Variants in IQCJ observed in about 807,000 individuals in gnomAD.
IQCJ encodes the protein IQ domain-containing protein J.
A neutral mutation model predicts 11.0 loss-of-function variants in IQCJ; 9 were observed. The observed-to-expected ratio is 0.82, with a 90% CI of 0.49 to 1.43. The LOEUF (loss-of-function observed/expected upper bound fraction) is 1.43. Among genes scored for constraint, IQCJ ranks in the 40% most tolerant of loss-of-function variants. The pLI, the probability that IQCJ is intolerant of heterozygous loss-of-function variation, is 0.00. For missense variants in IQCJ, 146 were observed against 133.2 expected (o/e 1.10, Z -0.47); for synonymous variants, 55 against 51.3 (o/e 1.07, Z -0.31).
At chr3:159,234,944 A>G (rs1331700694) in intron 1 of IQCJ, among the ~76,000 whole-genome samples, 1 of 152,246 alleles carries the variant, frequency 6.6e-6, no homozygotes, top group Non-Finnish European at 1.5e-5. Flanking sequence ...AATGCATTCC[A>G]GAATCAGGTA....
At chr3:159,142,455 C>T (rs1577036520) in intron 1 of IQCJ, among the ~76,000 whole-genome samples, 1 of 151,548 alleles carries the variant, frequency 6.6e-6, no homozygotes, top group Non-Finnish European at 1.5e-5. Flanking sequence ...CTCACGCTGT[C>T]ACCCAGGCTG....
In IQCJ at chr3:159,179,822, C is replaced by A. The variant is rs114861989; in HGVS notation, c.10-66021C>A. The stretch of plus-strand genomic sequence containing the variant: ...TGAGACTTAGAGGTTAAATAACATT[C>A]AGTCAAAAAGTGGAAGAGCCCAATT... On this transcript the variant is annotated intron_variant, in intron 1 of 3. Transcript: ENST00000397832. Among the ~76,000 whole-genome samples the A allele has an allele frequency of 6.2e-3, 946 of 152,226 alleles. 8 individuals carry two copies. Among genetic ancestry groups the A allele is most frequent in the African/African-American group, 0.022 (921 of 41,532 alleles).
At chr3:159,087,127 AG>A (rs923861975) in intron 1 of IQCJ, among the ~76,000 whole-genome samples, 1 of 152,146 alleles carries the variant, frequency 6.6e-6, no homozygotes, top group African/African-American at 2.4e-5. Flanking sequence ...TTTAGCATGA[AG>A]GGTTGTTGAA....
intron 1 of IQCJ, among the ~76,000 whole-genome samples, chr3:159,091,685 C>A (rs1225427328): frequency 6.9e-6 from 1 of 144,434 alleles, no homozygotes; most frequent in Non-Finnish European, 1.5e-5. Context: ...CACACACACA[C>A]ACACACACAC....
intron 1 of IQCJ, among the ~76,000 whole-genome samples, chr3:159,119,830 G>A (rs1719249964): frequency 6.6e-6 from 1 of 152,074 alleles, no homozygotes; most frequent in Admixed American, 6.6e-5. Flanking sequence ...GTGGGGCTTT[G>A]GGCTTCCCCA....
At chr3:159,129,696 A>G (rs1299605039) in intron 1 of IQCJ, among the ~76,000 whole-genome samples, 1 of 152,228 alleles carries the variant, frequency 6.6e-6, no homozygotes, top group Non-Finnish European at 1.5e-5. Context: ...TTTAGCATAT[A>G]GAAACATTTA....
intron 1 of IQCJ, among the ~76,000 whole-genome samples, chr3:159,140,871 A>G (rs1362268436): frequency 6.6e-6 from 1 of 152,202 alleles, no homozygotes; most frequent in African/African-American, 2.4e-5. Context: ...CTACGCACCC[A>G]GTGGGTTTGT....
intron 1 of IQCJ, among the ~76,000 whole-genome samples, chr3:159,169,941 C>T (rs1019176445): frequency 4.6e-5 from 7 of 152,164 alleles, no homozygotes; most frequent in Non-Finnish European, 8.8e-5. Flanking sequence ...CAGTTCAGAA[C>T]TTGCAAGCAG....
chr3:159,263,835 T>C (rs1295170551), downstream of IQCJ: 16 of 983,342 alleles, frequency 1.6e-5, no homozygotes, highest in Non-Finnish European at 1.8e-5. Context: ...CCATTTTTAA[T>C]TGACAGCAGA....
intron 1 of IQCJ, among the ~76,000 whole-genome samples, chr3:159,086,505 G>C (rs1576994650): frequency 6.6e-6 from 1 of 152,138 alleles, no homozygotes; most frequent in East Asian, 1.9e-4. Flanking sequence ...AATTACCTTG[G>C]GCAGTATGGC....
chr3:159,075,806 A>G (rs561706160), intron 1 of IQCJ, among the ~76,000 whole-genome samples: 1 of 152,276 alleles, frequency 6.6e-6, no homozygotes, highest in East Asian at 1.9e-4. Context: ...CCTATCTTAC[A>G]GATGAGGAAA....
At chr3:159,199,442 C>T (rs758553552) in intron 1 of IQCJ, among the ~76,000 whole-genome samples, 7 of 152,166 alleles carry the variant, frequency 4.6e-5, no homozygotes, top group East Asian at 3.9e-4. Flanking sequence ...GAAACAGAGA[C>T]GCTTAATACC....
chr3:159,113,510 C>T (rs910646720), intron 1 of IQCJ, among the ~76,000 whole-genome samples: 1 of 152,224 alleles, frequency 6.6e-6, no homozygotes, highest in African/African-American at 2.4e-5. Context: ...CTTACAGGGA[C>T]ATTCCATTTA....
At chr3:159,234,456 C>T (rs931544333) in intron 1 of IQCJ, among the ~76,000 whole-genome samples, 3 of 152,098 alleles carry the variant, frequency 2.0e-5, no homozygotes, top group African/African-American at 7.2e-5. Flanking sequence ...TTTTTAATCC[C>T]GAAGATTGTT....
downstream of IQCJ, among the ~76,000 whole-genome samples, chr3:159,264,169 A>G (rs1249916009): frequency 6.6e-6 from 1 of 152,200 alleles, no homozygotes; most frequent in Non-Finnish European, 1.5e-5. Context: ...CACAGCCCCA[A>G]TTCACGACAA....
At chr3:159,245,946 G>A in intron 2 of IQCJ, 39 bp downstream of exon 2, 2 of 1,439,048 alleles carry the variant, frequency 1.4e-6, no homozygotes, top group Non-Finnish European at 1.9e-6. Context: ...CTGCAAGGTT[G>A]GAAAGCTTGA....
chr3:159,237,690 C>G (rs1726673308), intron 1 of IQCJ, among the ~76,000 whole-genome samples: 1 of 152,052 alleles, frequency 6.6e-6, no homozygotes, highest in Non-Finnish European at 1.5e-5. Context: ...AGAGGTCTAG[C>G]CTACATTTAA....
At chr3:159,132,050 A>T (rs1720023515) in intron 1 of IQCJ, among the ~76,000 whole-genome samples, 3 of 152,096 alleles carry the variant, frequency 2.0e-5, no homozygotes, top group African/African-American at 7.2e-5. Flanking sequence ...TGACCCATAG[A>T]TCCTCACCCT....
intron 1 of IQCJ, among the ~76,000 whole-genome samples, chr3:159,167,680 G>C (rs1334014946): frequency 6.6e-6 from 1 of 152,188 alleles, no homozygotes; most frequent in Non-Finnish European, 1.5e-5. Flanking sequence ...TATTGGATGA[G>C]TTTCTACCAG....
Sources: allele counts gnomAD v4.1 joint callset (sites outside exome capture counted in the v4.1 genomes callset), GRCh38; gene constraint gnomAD v4.1.1; transcripts MANE v1.5; gene names NCBI Gene and HGNC (gene_info 2026-07-23, HGNC 2026-07-21).